Variants in PPM1E observed in about 807,000 individuals in gnomAD.
The protein encoded by PPM1E is protein phosphatase 1E.
Under a neutral mutation model 65.9 loss-of-function variants are expected in PPM1E, and 20 were observed. That is an observed-to-expected ratio of 0.30 (90% CI 0.21 to 0.44). The LOEUF (loss-of-function observed/expected upper bound fraction) is 0.44, where lower values mean the gene tolerates loss of function less well. PPM1E is among the 20% of genes least tolerant of loss of function. The pLI is 1.00. For synonymous variants in PPM1E, 352 were observed against 374.9 expected (o/e 0.94, Z 0.70); for missense variants, 713 against 953.1 (o/e 0.75, Z 3.32).
chr17:58,925,470 T>C (rs1228235376), intron 1 of PPM1E, among the ~76,000 whole-genome samples: 1 of 152,112 alleles, frequency 6.6e-6, no homozygotes. Flanking sequence ...AGAGGGAGTC[T>C]CGCTCTGTCA....
chr17:58,876,846 C>T (rs1034194316), intron 1 of PPM1E, among the ~76,000 whole-genome samples: 12 of 152,126 alleles, frequency 7.9e-5, no homozygotes, highest in Admixed American at 3.3e-4. Context: ...TGCAGTGGCG[C>T]GATCTCGGCT....
chr17:58,946,255 G>A (rs544179289), intron 1 of PPM1E, among the ~76,000 whole-genome samples: 1 of 152,268 alleles, frequency 6.6e-6, no homozygotes, highest in Admixed American at 6.5e-5. Context: ...AATAAAAAGG[G>A]TTTTAGGGGC....
At chr17:58,831,875 A>T (rs1328042449) in intron 1 of PPM1E, among the ~76,000 whole-genome samples, 1 of 152,170 alleles carries the variant, frequency 6.6e-6, no homozygotes, top group Non-Finnish European at 1.5e-5. Context: ...GGTTTCTGAG[A>T]TAAATACATG....
At chr17:58,961,353 T>C (rs1219665532) in intron 2 of PPM1E, among the ~76,000 whole-genome samples, 1 of 152,218 alleles carries the variant, frequency 6.6e-6, no homozygotes, top group Non-Finnish European at 1.5e-5. Flanking sequence ...CAAGGGCAAT[T>C]AAGACAGTCT....
At chr17:58,949,261 CTT>C (rs2052203921) in intron 1 of PPM1E, among the ~76,000 whole-genome samples, 1 of 152,114 alleles carries the variant, frequency 6.6e-6, no homozygotes, top group African/African-American at 2.4e-5. Context: ...TTCTTTGTCT[CTT>C]TTTATAGCTT....
chr17:58,780,874 A>G (rs1328366080), intron 1 of PPM1E, among the ~76,000 whole-genome samples: 1 of 152,072 alleles, frequency 6.6e-6, no homozygotes. Flanking sequence ...TTCATTGGGA[A>G]TTTTTGTATT....
rs987501677 is a variant in PPM1E, at chr17:58,826,427, G to T, written c.464+69966G>T. ...AGCTACAGATATCTACAGCAATAAA[G>T]GGTTTATTCAGGTTGTTATGGCAAC... On this transcript the variant is annotated intron_variant, in intron 1 of 6. Coordinates refer to ENST00000308249, the MANE Select transcript of PPM1E (RefSeq NM_014906.5). 2.6e-5 allele frequency among the ~76,000 whole-genome samples: 4 copies of T among 152,116 alleles called. No homozygotes were observed. The South Asian group carries it at 8.3e-4, about 32-fold the overall frequency.
chr17:58,885,541 T>A (rs1348975640), intron 1 of PPM1E, among the ~76,000 whole-genome samples: 1 of 151,978 alleles, frequency 6.6e-6, no homozygotes, highest in Non-Finnish European at 1.5e-5. Flanking sequence ...TACTTTTGGG[T>A]GTTAGGATGG....
intron 1 of PPM1E, among the ~76,000 whole-genome samples, chr17:58,804,528 C>CA (rs2050287384): frequency 6.6e-6 from 1 of 152,064 alleles, no homozygotes; most frequent in African/African-American, 2.4e-5. Context: ...AGGGGGATGG[C>CA]AATTCGAGTG....
intron 1 of PPM1E, among the ~76,000 whole-genome samples, chr17:58,823,063 T>A (rs1433164852): frequency 8.5e-5 from 13 of 152,198 alleles, no homozygotes; most frequent in African/African-American, 1.7e-4. Flanking sequence ...ATTTTTTTTT[T>A]AATTTTCAAA....
chr17:58,803,919 A>G (rs976535229), intron 1 of PPM1E, among the ~76,000 whole-genome samples: 2 of 151,994 alleles, frequency 1.3e-5, no homozygotes, highest in African/African-American at 2.4e-5. Flanking sequence ...AAATATTCCT[A>G]ATTTTTTATT....
chr17:58,758,691 T>C (rs1331172198), intron 1 of PPM1E, among the ~76,000 whole-genome samples: 1 of 152,202 alleles, frequency 6.6e-6, no homozygotes, highest in Non-Finnish European at 1.5e-5. Flanking sequence ...ATCATTTATA[T>C]TGTGTTTTGT....
intron 1 of PPM1E, 108 bp from the exon 2 acceptor site, chr17:58,955,541 A>C: frequency 8.2e-7 from 1 of 1,212,286 alleles, no homozygotes; most frequent in Non-Finnish European, 1.2e-6. Context: ...TTAAAGGTAT[A>C]ATTTTGTTTT....
intron 1 of PPM1E, among the ~76,000 whole-genome samples, chr17:58,786,015 C>CTTTTT (rs199866066): frequency 7.2e-6 from 1 of 139,086 alleles, no homozygotes; most frequent in African/African-American, 2.6e-5. Context: ...CACCTTTTCA[C>CTTTTT]TTTTTTTTTT....
intron 1 of PPM1E, among the ~76,000 whole-genome samples, chr17:58,931,404 A>G (rs544609287): frequency 2.8e-5 from 4 of 145,276 alleles, no homozygotes; most frequent in Admixed American, 6.9e-5. Context: ...GGAAGGAAGG[A>G]AGGGAGGGAG....
Position 58,966,285 on chromosome 17 carries a change from C to T in PPM1E, c.783+392C>T, listed in dbSNP as rs533522835. On this transcript the variant is annotated intron_variant, in intron 3 of 6. Transcript: ENST00000308249. ...ATCCTAGCACTTTGGGAGGCTGATA[C>T]GGGAGGATTGCTTGAGACCAGGAGT... 60 of 357,722 alleles carry T rather than the reference C, an allele frequency of 1.7e-4. No homozygotes were observed. The Admixed American group carries it at 1.7e-3, about 10-fold the overall frequency. The allele number at this position is 357,722 out of a possible 1,614,324, so 22.2% of individuals were successfully genotyped here.
intron 1 of PPM1E, among the ~76,000 whole-genome samples, chr17:58,792,719 AT>A (rs1309964760): frequency 1.3e-4 from 10 of 76,982 alleles, no homozygotes; most frequent in African/African-American, 6.4e-4. Flanking sequence ...AACAGTTATT[AT>A]TTTATTTTAT....
chr17:58,774,098 G>A (rs539025637), intron 1 of PPM1E, among the ~76,000 whole-genome samples: 2 of 151,852 alleles, frequency 1.3e-5, no homozygotes, highest in African/African-American at 2.4e-5. Context: ...GGAGGCAGAT[G>A]TTGTAGTGAG....
chr17:58,925,363 C>T (rs765380472), intron 1 of PPM1E, among the ~76,000 whole-genome samples: 1 of 151,902 alleles, frequency 6.6e-6, no homozygotes, highest in Non-Finnish European at 1.5e-5. Flanking sequence ...CTTTTTTGGC[C>T]GCATAAATGT....
Sources: allele counts gnomAD v4.1 joint callset (sites outside exome capture counted in the v4.1 genomes callset), GRCh38; gene constraint gnomAD v4.1.1; transcripts MANE v1.5; gene names NCBI Gene and HGNC (gene_info 2026-07-23, HGNC 2026-07-21).